Variants in RMRP observed in about 807,000 individuals in gnomAD.
RMRP encodes the protein RNA component of mitochondrial RNA processing endoribonuclease, also known as RNase MRP RNA.
rs1554651352 is a variant in RMRP, at chr9:35,658,015, A to AACCACGTCCTCAGCTTCAC, written n.2_3insGTGAAGCTGAGGACGTGGT. On this transcript the variant is annotated non_coding_transcript_exon_variant, in exon 1 of 1. Transcript: ENST00000363046. ...GCCTAGGATACAGGCCTTCAGCACG[A>AACCACGTCCTCAGCTTCAC]ACCACGTCCTCAGCTTCACAGAGTA... The AACCACGTCCTCAGCTTCAC allele has an allele frequency of 1.4e-6, 1 of 690,820 alleles. No homozygotes were observed. The highest frequency in any genetic ancestry group is 2.0e-5 in the Admixed American group (1 of 49,636). The allele number at this position is 690,820 out of a possible 1,614,324, so 42.8% of individuals were successfully genotyped here.
rs1235939791 is a variant in RMRP at position 35,657,952 on chromosome 9, C to T, written n.66G>A. ...CTGCCCGAGGTCCGGGGACTTTCCC[C>T]TAGGCGGAAAGGGGAGGAACAGAGT... On this transcript the variant is annotated non_coding_transcript_exon_variant, in exon 1 of 1. Transcript: ENST00000363046. 4.3e-6 allele frequency: 3 copies of T among 700,320 alleles called. No homozygotes were observed. The highest frequency in any genetic ancestry group is 2.7e-5 in the East Asian group (1 of 37,300). 43.4% of individuals were successfully genotyped at this position (700,320 alleles called of 1,614,324 possible). A position where few individuals can be genotyped will look rare whatever the true frequency, so the allele number is the denominator to read the frequency against.
rs557578605 is a variant in RMRP at position 35,657,898 on chromosome 9, T to A, written n.120A>T. On this transcript the variant is annotated non_coding_transcript_exon_variant, in exon 1 of 1. Coordinates refer to ENST00000363046, the Ensembl canonical transcript of RMRP. ...GGACTTTGGAGTGGGAAGCGGGGAA[T>A]GTCTACGTGCGTATGCACGTGGCAC... 7.2e-6 allele frequency: 5 copies of A among 697,738 alleles called. No homozygotes were observed. Among genetic ancestry groups the A allele is most frequent in the South Asian group, 3.0e-5 (2 of 67,514 alleles). The allele number at this position is 697,738 out of a possible 1,614,324, so 43.2% of individuals were successfully genotyped here. A position where few individuals can be genotyped will look rare whatever the true frequency, so the allele number is the denominator to read the frequency against.
In RMRP at chr9:35,657,782, T is replaced by C. The variant is rs771464779; in HGVS notation, n.236A>G. On this transcript the variant is annotated non_coding_transcript_exon_variant, in exon 1 of 1. Coordinates refer to ENST00000363046, the Ensembl canonical transcript of RMRP. The stretch of plus-strand genomic sequence containing the variant: ...GCGCTGAGAATGAGCCCCGTGTGGT[T>C]GGTGCGCGGACACGCACTGCCTGCG... 12 of 697,066 alleles carry C rather than the reference T, an allele frequency of 1.7e-5. No individual in the cohort carries two copies. Among genetic ancestry groups the C allele is most frequent in the South Asian group, 5.9e-5 (4 of 67,464 alleles). 43.2% of individuals were successfully genotyped at this position (697,066 alleles called of 1,614,324 possible). A position where few individuals can be genotyped will look rare whatever the true frequency, so the allele number is the denominator to read the frequency against.
At chr9:35,657,968 GGAAC>G (rs1563907487) in exon 1 of RMRP, 1 of 700,460 alleles carries the variant, frequency 1.4e-6, no homozygotes, top group East Asian at 2.7e-5. Context: ...GGAAAGGGGA[GGAAC>G]AGAGTCCTCA....
Position 35,657,807 on chromosome 9 carries a change from G to C in RMRP, n.211C>G, listed in dbSNP as rs192060920. On this transcript the variant is annotated non_coding_transcript_exon_variant, in exon 1 of 1. Transcript: ENST00000363046. ...TGGTGCGCGGACACGCACTGCCTGC[G>C]TAACTAGAGGGAGCTGACGGATGAC... The C allele has an allele frequency of 2.2e-5, 15 of 692,318 alleles. No individual in the cohort carries two copies. The highest frequency in any genetic ancestry group is 3.4e-5 in the Non-Finnish European group (13 of 384,636). The allele number at this position is 692,318 out of a possible 1,614,324, so 42.9% of individuals were successfully genotyped here.
exon 1 of RMRP, chr9:35,657,784 G>C (rs1002409010): frequency 1.4e-6 from 1 of 697,732 alleles, no homozygotes; most frequent in African/African-American, 1.7e-5. Context: ...CGTGTGGTTG[G>C]TGCGCGGACA....
chr9:35,657,953 T>A (rs530883024), exon 1 of RMRP: 2 of 700,314 alleles, frequency 2.9e-6, no homozygotes, highest in Non-Finnish European at 2.6e-6. Flanking sequence ...GACTTTCCCC[T>A]AGGCGGAAAG....
exon 1 of RMRP, chr9:35,658,001 A>G (rs1404798444): frequency 4.3e-6 from 3 of 696,574 alleles, no homozygotes; most frequent in Non-Finnish European, 7.9e-6. Context: ...CCTAGGATAC[A>G]GGCCTTCAGC....
rs1364719732 is a variant in RMRP at position 35,657,796 on chromosome 9, G to A, written n.222C>T. 4.3e-6 allele frequency: 3 copies of A among 699,752 alleles called. No homozygotes were observed. The highest frequency in any genetic ancestry group is 7.8e-6 in the Non-Finnish European group (3 of 384,350). 43.3% of individuals were successfully genotyped at this position (699,752 alleles called of 1,614,324 possible). ...CCCCGTGTGGTTGGTGCGCGGACAC[G>A]CACTGCCTGCGTAACTAGAGGGAGC... On this transcript the variant is annotated non_coding_transcript_exon_variant, in exon 1 of 1. Transcript: ENST00000363046.
chr9:35,657,879 T>A, exon 1 of RMRP: 1 of 694,698 alleles, frequency 1.4e-6, no homozygotes, highest in Non-Finnish European at 2.6e-6. Context: ...TGGCGGACTT[T>A]GGAGTGGGAA....
rs572081363 is a variant in RMRP, at chr9:35,657,984, T to G, written n.34A>C. 1.3e-5 allele frequency: 9 copies of G among 700,366 alleles called. No individual in the cohort carries two copies. The highest frequency in any genetic ancestry group is 7.0e-5 in the African/African-American group (4 of 57,314). The allele number at this position is 700,366 out of a possible 1,614,324, so 43.4% of individuals were successfully genotyped here. On this transcript the variant is annotated non_coding_transcript_exon_variant, in exon 1 of 1. Coordinates refer to ENST00000363046, the Ensembl canonical transcript of RMRP. ...GAAAGGGGAGGAACAGAGTCCTCAG[T>G]GTGTAGCCTAGGATACAGGCCTTCA...
chr9:35,657,837 C>A, exon 1 of RMRP: 1 of 693,358 alleles, frequency 1.4e-6, no homozygotes, highest in South Asian at 1.5e-5. Context: ...GATGACGCCC[C>A]CGCGCCACGC....
chr9:35,657,823 G>A lies in RMRP; in HGVS notation n.195C>T, dbSNP rs948931144. The A allele has an allele frequency of 3.5e-5, 24 of 692,778 alleles. No individual in the cohort carries two copies. Among genetic ancestry groups the A allele is most frequent in the Admixed American group, 2.4e-4 (12 of 49,568 alleles). 42.9% of individuals were successfully genotyped at this position (692,778 alleles called of 1,614,324 possible). On this transcript the variant is annotated non_coding_transcript_exon_variant, in exon 1 of 1. Transcript: ENST00000363046. Reference sequence around the variant, plus strand: ...ACTGCCTGCGTAACTAGAGGGAGCTGACGGATGACGCCCCCGCGCCACGCC... The same window carrying A: ...ACTGCCTGCGTAACTAGAGGGAGCTAACGGATGACGCCCCCGCGCCACGCC...
chr9:35,657,807 G>GTAAC (rs1406416351), exon 1 of RMRP: 1 of 692,316 alleles, frequency 1.4e-6, no homozygotes, highest in Non-Finnish European at 2.6e-6. Flanking sequence ...CACTGCCTGC[G>GTAAC]TAACTAGAGG....
Position 35,657,920 on chromosome 9 carries a change from G to GC in RMRP, n.97dup. ...GAATGTCTACGTGCGTATGCACGTG[G>GC]CACTCTCTGCCCGAGGTCCGGGGAC... is the stretch of plus-strand genomic sequence containing the variant. On this transcript the variant is annotated non_coding_transcript_exon_variant, in exon 1 of 1. Transcript: ENST00000363046. The GC allele has an allele frequency of 1.4e-6, 1 of 700,392 alleles. No homozygotes were observed. The highest frequency in any genetic ancestry group is 2.6e-6 in the Non-Finnish European group (1 of 384,818). The allele number at this position is 700,392 out of a possible 1,614,324, so 43.4% of individuals were successfully genotyped here.
chr9:35,657,936 G>A lies in RMRP; in HGVS notation n.82C>T, dbSNP rs1372572486. The A allele has an allele frequency of 1.1e-5, 8 of 700,346 alleles. No homozygotes were observed. Among genetic ancestry groups the A allele is most frequent in the East Asian group, 5.4e-5 (2 of 37,298 alleles). 43.4% of individuals were successfully genotyped at this position (700,346 alleles called of 1,614,324 possible). A position where few individuals can be genotyped will look rare whatever the true frequency, so the allele number is the denominator to read the frequency against. ...ATGCACGTGGCACTCTCTGCCCGAG[G>A]TCCGGGGACTTTCCCCTAGGCGGAA... On this transcript the variant is annotated non_coding_transcript_exon_variant, in exon 1 of 1. Transcript: ENST00000363046.
In RMRP at chr9:35,657,793, C is replaced by A. The variant is rs1472791197; in HGVS notation, n.225G>T. The A allele has an allele frequency of 1.4e-6, 1 of 699,312 alleles. No individual in the cohort carries two copies. Among genetic ancestry groups the A allele is most frequent in the Admixed American group, 2.0e-5 (1 of 49,984 alleles). 43.3% of individuals were successfully genotyped at this position (699,312 alleles called of 1,614,324 possible). On this transcript the variant is annotated non_coding_transcript_exon_variant, in exon 1 of 1. Coordinates refer to ENST00000363046, the Ensembl canonical transcript of RMRP. ...GAGCCCCGTGTGGTTGGTGCGCGGA[C>A]ACGCACTGCCTGCGTAACTAGAGGG...
rs890235700 is a variant in RMRP, at chr9:35,657,970, A to C, written n.48T>G. On this transcript the variant is annotated non_coding_transcript_exon_variant, in exon 1 of 1. Coordinates refer to ENST00000363046, the Ensembl canonical transcript of RMRP. ...CTTTCCCCTAGGCGGAAAGGGGAGG[A>C]ACAGAGTCCTCAGTGTGTAGCCTAG... 2.9e-6 allele frequency: 2 copies of C among 700,312 alleles called. No homozygotes were observed. The highest frequency in any genetic ancestry group is 1.7e-5 in the African/African-American group (1 of 57,196). The allele number at this position is 700,312 out of a possible 1,614,324, so 43.4% of individuals were successfully genotyped here. A position where few individuals can be genotyped will look rare whatever the true frequency, so the allele number is the denominator to read the frequency against.
At position 35,657,766 on chromosome 9, in the gene RMRP, A is replaced by C. The variant is rs781079047; in HGVS notation, n.252T>G. On this transcript the variant is annotated non_coding_transcript_exon_variant, in exon 1 of 1. Transcript: ENST00000363046. ...GGAACAAAAAACAGCCGCGCTGAGA[A>C]TGAGCCCCGTGTGGTTGGTGCGCGG... 2.9e-6 allele frequency: 2 copies of C among 692,810 alleles called. No homozygotes were observed. Among genetic ancestry groups the C allele is most frequent in the Non-Finnish European group, 5.3e-6 (2 of 378,636 alleles). 42.9% of individuals were successfully genotyped at this position (692,810 alleles called of 1,614,324 possible).
Sources: gnomAD v4.1 joint callset for allele counts on GRCh38, gnomAD v4.1.1 for gene constraint, MANE v1.5 for transcripts, NCBI Gene and HGNC (gene_info 2026-07-23, HGNC 2026-07-21) for gene names.